The following ALCAM variants were observed in gnomAD, a reference collection of about 807,000 sequenced individuals.
ALCAM encodes the protein CD166 antigen.
Under a neutral mutation model 70.9 loss-of-function variants are expected in ALCAM, and 30 were observed. The observed-to-expected ratio is 0.42, with a 90% CI of 0.32 to 0.57. The LOEUF (loss-of-function observed/expected upper bound fraction) is 0.57. Ranked by LOEUF, ALCAM falls within the 20% of genes least tolerant of loss-of-function variation. ALCAM has a pLI of 0.11. For synonymous variants in ALCAM, 249 were observed against 242.5 expected (o/e 1.03, Z -0.25); for missense variants, 591 against 695.1 (o/e 0.85, Z 1.68).
chr3:105,499,490 A>G (rs1170669502), intron 1 of ALCAM, among the ~76,000 whole-genome samples: 4 of 152,230 alleles, frequency 2.6e-5, no homozygotes, highest in Non-Finnish European at 5.9e-5. Context: ...TAACTTTAAC[A>G]TGGCTTTCAT....
At chr3:105,411,382 A>C (rs145569121) in intron 1 of ALCAM, among the ~76,000 whole-genome samples, 90 of 152,180 alleles carry the variant, frequency 5.9e-4, no homozygotes, top group Non-Finnish European at 9.9e-4. Flanking sequence ...AGCAGCATCC[A>C]CAGCAGCAGA....
intron 1 of ALCAM, among the ~76,000 whole-genome samples, chr3:105,368,262 A>G (rs1030621187): frequency 3.4e-5 from 5 of 145,998 alleles, no homozygotes; most frequent in East Asian, 3.9e-4. Flanking sequence ...AGAGAGAGAG[A>G]GAAAAGGCAA....
At chr3:105,401,811 G>T (rs1475621719) in intron 1 of ALCAM, among the ~76,000 whole-genome samples, 3 of 151,926 alleles carry the variant, frequency 2.0e-5, no homozygotes, top group Non-Finnish European at 4.4e-5. Context: ...TAGACTAGTG[G>T]TTTTCAACCC....
In ALCAM at chr3:105,520,096, T is replaced by A; in HGVS notation, c.103T>A (p.Tyr35Asn). The part of the protein sequence containing the change: ...GLGWYTVNSA[Y>N]GDTIIIPCRL... ...TGGATGGTATACTGTAAATTCAGCATATGGAGATACCATTATCATACCTTG... is the reference window on the plus strand; with the variant it reads ...TGGATGGTATACTGTAAATTCAGCAAATGGAGATACCATTATCATACCTTG... The change falls in exon 2 of 16, where the codon TAT (tyrosine) becomes AAT (asparagine). Residue 35 changes from tyrosine (Y) to asparagine (N), a missense_variant. By Grantham distance (143) the Tyr-to-Asn change is moderately radical. Coordinates refer to ENST00000306107, the MANE Select transcript of ALCAM (RefSeq NM_001627.4). 1 of 1,612,760 alleles carries A rather than the reference T, an allele frequency of 6.2e-7. No homozygotes were observed. Among genetic ancestry groups the A allele is most frequent in the Non-Finnish European group, 8.5e-7 (1 of 1,179,010 alleles).
chr3:105,431,596 G>T (rs532732122), intron 1 of ALCAM, among the ~76,000 whole-genome samples: 2 of 152,116 alleles, frequency 1.3e-5, no homozygotes, highest in African/African-American at 4.8e-5. Context: ...CTGTAACTCC[G>T]TGGTGCCAGA....
intron 1 of ALCAM, among the ~76,000 whole-genome samples, chr3:105,429,944 A>G (rs1269470567): frequency 2.0e-5 from 3 of 151,988 alleles, no homozygotes; most frequent in African/African-American, 7.2e-5. Context: ...AGCCTTACTC[A>G]GTAATGAAAG....
chr3:105,416,828 C>T (rs2107406713), intron 1 of ALCAM, among the ~76,000 whole-genome samples: 1 of 152,094 alleles, frequency 6.6e-6, no homozygotes, highest in Middle Eastern at 3.4e-3. Flanking sequence ...CCTTGAATTA[C>T]TGCAATAGCT....
intron 1 of ALCAM, among the ~76,000 whole-genome samples, chr3:105,415,154 C>T (rs368853194): frequency 1.3e-5 from 2 of 152,188 alleles, no homozygotes; most frequent in African/African-American, 4.8e-5. Flanking sequence ...TCCATTTTCC[C>T]GTGCTTATTT....
chr3:105,504,634 G>C (rs2152617450), intron 1 of ALCAM, among the ~76,000 whole-genome samples: 1 of 152,170 alleles, frequency 6.6e-6, no homozygotes, highest in East Asian at 1.9e-4. Context: ...CTGCTCGTTT[G>C]TTCCCCCCAC....
In ALCAM at chr3:105,495,270, T is replaced by A. The variant is rs114413112; in HGVS notation, c.74-24797T>A. ...TCCAGAAAGTAATTTAGCTCCTTGT[T>A]TTCCTCTTTGGTGCTGAAAGCCCTT... On this transcript the variant is annotated intron_variant, in intron 1 of 15. Coordinates refer to ENST00000306107, the MANE Select transcript of ALCAM (RefSeq NM_001627.4). 4.8e-3 allele frequency among the ~76,000 whole-genome samples: 727 copies of A among 152,328 alleles called. 10 individuals are homozygous for A. Among genetic ancestry groups the A allele is most frequent in the African/African-American group, 0.017 (703 of 41,586 alleles).
intron 1 of ALCAM, among the ~76,000 whole-genome samples, chr3:105,444,058 A>G (rs1012754645): frequency 2.6e-5 from 4 of 152,238 alleles, no homozygotes; most frequent in African/African-American, 9.6e-5. Context: ...AAAAAAATGC[A>G]TGGTATGTCC....
chr3:105,500,866 A>G (rs1178534190), intron 1 of ALCAM, among the ~76,000 whole-genome samples: 2 of 152,172 alleles, frequency 1.3e-5, no homozygotes, highest in African/African-American at 4.8e-5. Context: ...CTACAGCTGG[A>G]GTCTTCTTAT....
At chr3:105,536,940 G>A (rs1011793496) in intron 6 of ALCAM, among the ~76,000 whole-genome samples, 2 of 152,100 alleles carry the variant, frequency 1.3e-5, no homozygotes, top group Admixed American at 6.5e-5. Context: ...GGTATAGGAC[G>A]GTGATTGACA....
At chr3:105,569,180 G>A (rs906607366) in intron 14 of ALCAM, among the ~76,000 whole-genome samples, 1 of 151,798 alleles carries the variant, frequency 6.6e-6, no homozygotes, top group East Asian at 1.9e-4. Flanking sequence ...GATGAAAGGA[G>A]TGGCAGTTAA....
rs1559829067 is a variant in ALCAM at position 105,545,207 on chromosome 3, A to T, written c.992-16A>T. The T allele has an allele frequency of 1.3e-6, 2 of 1,535,686 alleles. No homozygotes were observed. Among genetic ancestry groups the T allele is most frequent in the South Asian group, 1.1e-5 (1 of 89,452 alleles). On this transcript the variant is annotated splice_polypyrimidine_tract_variant and intron_variant, in intron 8 of 15. Coordinates refer to ENST00000306107, the MANE Select transcript of ALCAM (RefSeq NM_001627.4). ...ATTTCAGAGTTAGCACTTTGAACAGATTTTCTGCTTCACAGATTTGGATTT... is the reference window on the plus strand; with the variant it reads ...ATTTCAGAGTTAGCACTTTGAACAGTTTTTCTGCTTCACAGATTTGGATTT...
chr3:105,547,611 C>A, intron 11 of ALCAM, 88 bp downstream of exon 11: 2 of 1,500,912 alleles, frequency 1.3e-6, no homozygotes, highest in East Asian at 2.3e-5. Flanking sequence ...TGGTTTGTTA[C>A]CACATAAAAT....
At chr3:105,495,966 G>T (rs1047968960) in intron 1 of ALCAM, among the ~76,000 whole-genome samples, 1 of 152,156 alleles carries the variant, frequency 6.6e-6, no homozygotes, top group Non-Finnish European at 1.5e-5. Context: ...TTCACTATAA[G>T]TTTCAAGTGC....
intron 1 of ALCAM, among the ~76,000 whole-genome samples, chr3:105,514,281 T>C (rs1356024766): frequency 6.6e-6 from 1 of 151,926 alleles, no homozygotes; most frequent in Non-Finnish European, 1.5e-5. Context: ...AATGATTCGA[T>C]GATTTTTGAG....
In ALCAM at chr3:105,395,182, T is replaced by A. The variant is rs2107360495; in HGVS notation, c.73+27701T>A. 2.0e-5 allele frequency among the ~76,000 whole-genome samples: 3 copies of A among 152,032 alleles called. No homozygotes were observed. The South Asian group carries it at 6.2e-4, about 31-fold the overall frequency. On this transcript the variant is annotated intron_variant, in intron 1 of 15. Transcript: ENST00000306107. ...AAGGATTTCTGGTATTAAAATTTTTTGGCAGTTATTTTGGGCCTTTCAAGA... is the reference window on the plus strand; with the variant it reads ...AAGGATTTCTGGTATTAAAATTTTTAGGCAGTTATTTTGGGCCTTTCAAGA...
Sources: allele counts gnomAD v4.1 joint callset (sites outside exome capture counted in the v4.1 genomes callset), GRCh38; gene constraint gnomAD v4.1.1; transcripts MANE v1.5; gene names NCBI Gene and HGNC (gene_info 2026-07-23, HGNC 2026-07-21).